AFF1: variants seen among roughly 807,000 people sequenced by gnomAD.
The protein encoded by AFF1 is ALF transcription elongation factor 1.
AFF1 carries 48 observed loss-of-function variants against 121.7 expected under a neutral mutation model. That is an observed-to-expected ratio of 0.39 (90% CI 0.31 to 0.50). AFF1 has a LOEUF of 0.50. Among genes scored for constraint, AFF1 ranks in the 20% least tolerant of loss-of-function variants. The probability of loss-of-function intolerance (pLI) is 0.76; values close to 1 mark genes in which losing one functional copy is unlikely to be tolerated. For synonymous variants in AFF1, 613 were observed against 563.0 expected, an observed-to-expected ratio of 1.09 and a Z score of -1.26; for missense variants, 1,523 against 1,511.7, an observed-to-expected ratio of 1.01 and a Z score of -0.12.
At chr4:86,962,449 T>G (rs1464229652) in intron 2 of AFF1, among the ~76,000 whole-genome samples, 2 of 152,354 alleles carry the variant, frequency 1.3e-5, no homozygotes, top group East Asian at 1.9e-4. Flanking sequence ...TGCTTGGTAC[T>G]CAATAGACAT....
At chr4:87,056,268 A>G (rs944092812) in intron 4 of AFF1, among the ~76,000 whole-genome samples, 2 of 152,324 alleles carry the variant, frequency 1.3e-5, no homozygotes, top group East Asian at 3.9e-4. Context: ...ATTCCAATTT[A>G]CAAATAATAG....
Position 87,126,355 on chromosome 4 carries a change from C to A in AFF1, c.2811+19C>A. ...GCACAAGGTGAGCAGGGGCGGCGGT[C>A]ACTCTGTAAGATGGGATGCATTGCT... On this transcript the variant is annotated intron_variant, in intron 14 of 20. Coordinates refer to ENST00000395146, the MANE Select transcript of AFF1 (RefSeq NM_001166693.3). 6.2e-7 allele frequency: 1 copy of A among 1,606,152 alleles called. No individual in the cohort carries two copies. Among genetic ancestry groups the A allele is most frequent in the South Asian group, 1.1e-5 (1 of 90,800 alleles).
chr4:87,104,359 C>T (rs1341181839), intron 8 of AFF1, among the ~76,000 whole-genome samples: 1 of 152,156 alleles, frequency 6.6e-6, no homozygotes. Flanking sequence ...AAGCCAAGAT[C>T]ACACCTGGGT....
intron 13 of AFF1, among the ~76,000 whole-genome samples, chr4:87,125,529 T>C (rs1198483806): frequency 6.6e-6 from 1 of 152,176 alleles, no homozygotes; most frequent in Non-Finnish European, 1.5e-5. Flanking sequence ...GCATTTGGAC[T>C]CCGGGAGCCT....
intron 4 of AFF1, among the ~76,000 whole-genome samples, chr4:87,071,653 T>C (rs970693845): frequency 2.0e-5 from 3 of 152,282 alleles, no homozygotes; most frequent in African/African-American, 7.2e-5. Context: ...AGGGCCACAG[T>C]TGGGTTTATG....
intron 4 of AFF1, among the ~76,000 whole-genome samples, chr4:87,077,323 C>T (rs893935993): frequency 5.9e-5 from 9 of 151,974 alleles, no homozygotes; most frequent in South Asian, 2.1e-4. Flanking sequence ...TTCAGTGTGG[C>T]GTGTATTACG....
intron 4 of AFF1, among the ~76,000 whole-genome samples, chr4:87,069,303 T>G (rs1459084633): frequency 2.8e-5 from 3 of 105,786 alleles, no homozygotes; most frequent in African/African-American, 7.7e-5. Context: ...TGGCTACCAC[T>G]AGAGGCTTGG....
intron 8 of AFF1, 91 bp downstream of exon 8, chr4:87,095,060 T>G (rs530358051): frequency 6.6e-6 from 8 of 1,205,248 alleles, no homozygotes; most frequent in Non-Finnish European, 9.7e-6. Context: ...TCTGCCTTTA[T>G]GTAATGACAT....
chr4:87,024,635 G>A (rs1051271190), intron 2 of AFF1, among the ~76,000 whole-genome samples: 7 of 152,014 alleles, frequency 4.6e-5, no homozygotes, highest in African/African-American at 7.3e-5. Context: ...TCTGTCTTCC[G>A]AGGCTGGAGT....
At chr4:86,953,558 C>G (rs924141443) in intron 2 of AFF1, among the ~76,000 whole-genome samples, 3 of 152,132 alleles carry the variant, frequency 2.0e-5, no homozygotes, top group Non-Finnish European at 2.9e-5. Flanking sequence ...TCTGTGACTT[C>G]CAGATTTATC....
chr4:87,105,518 A>T, intron 8 of AFF1, 110 bp from the exon 9 acceptor site: 1 of 1,201,894 alleles, frequency 8.3e-7, no homozygotes, highest in Non-Finnish European at 1.2e-6. Context: ...AAGAAAACTT[A>T]CACATATCCT....
At chr4:87,031,983 C>T (rs1269546204) in intron 2 of AFF1, among the ~76,000 whole-genome samples, 1 of 152,104 alleles carries the variant, frequency 6.6e-6, no homozygotes, top group Non-Finnish European at 1.5e-5. Context: ...AGTGAACTGC[C>T]TATTGGTAGT....
intron 3 of AFF1, 95 bp from the exon 4 acceptor site, chr4:87,046,600 C>T (rs1277046986): frequency 1.6e-5 from 21 of 1,304,378 alleles, no homozygotes; most frequent in Admixed American, 2.3e-5. Context: ...ACATTAAGTT[C>T]GGAGTTTTTT....
At chr4:86,973,668 A>G (rs1206018433) in intron 2 of AFF1, among the ~76,000 whole-genome samples, 1 of 152,154 alleles carries the variant, frequency 6.6e-6, no homozygotes, top group Admixed American at 6.6e-5. Flanking sequence ...GACTCAGCAA[A>G]TGTTTATTAT....
intron 2 of AFF1, among the ~76,000 whole-genome samples, chr4:86,983,148 T>C (rs533300986): frequency 6.6e-6 from 1 of 152,246 alleles, no homozygotes; most frequent in Non-Finnish European, 1.5e-5. Flanking sequence ...CCCAGCACTT[T>C]AGGAGACCAA....
intron 2 of AFF1, among the ~76,000 whole-genome samples, chr4:86,997,851 G>T (rs969197064): frequency 2.6e-5 from 4 of 151,994 alleles, no homozygotes; most frequent in African/African-American, 9.7e-5. Flanking sequence ...GCTCACGCCT[G>T]TAATCCCAGC....
intron 2 of AFF1, among the ~76,000 whole-genome samples, chr4:87,040,765 G>T (rs936930051): frequency 2.7e-5 from 4 of 148,468 alleles, no homozygotes; most frequent in Admixed American, 1.4e-4. Flanking sequence ...GAGACATAGG[G>T]TTTCACTATG....
intron 11 of AFF1, among the ~76,000 whole-genome samples, chr4:87,110,618 A>AT (rs952690087): frequency 5.9e-5 from 9 of 151,582 alleles, no homozygotes; most frequent in East Asian, 1.9e-4. Flanking sequence ...TGTATCTTCC[A>AT]TTTTTTTAAT....
At chr4:87,110,261 C>A (rs1041399320) in intron 11 of AFF1, among the ~76,000 whole-genome samples, 2 of 151,676 alleles carry the variant, frequency 1.3e-5, no homozygotes, top group African/African-American at 4.9e-5. Flanking sequence ...TATTTTGATA[C>A]AGCCATATAA....
Sources: allele counts gnomAD v4.1 joint callset (sites outside exome capture counted in the v4.1 genomes callset), GRCh38; gene constraint gnomAD v4.1.1; transcripts MANE v1.5; gene names NCBI Gene and HGNC (gene_info 2026-07-23, HGNC 2026-07-21).